COL19A1: variants seen among roughly 807,000 people sequenced by gnomAD.
COL19A1 encodes the protein collagen type XIX alpha 1 chain, also known as collagen alpha-1(XIX) chain.
In COL19A1, 159 loss-of-function variants were observed where a neutral mutation model predicts 190.2. That is an observed-to-expected ratio of 0.84 (90% CI 0.73 to 0.95). The LOEUF (loss-of-function observed/expected upper bound fraction) is 0.95, where lower values mean the gene tolerates loss of function less well. Among genes scored for constraint, COL19A1 ranks in the 40% least tolerant of loss-of-function variants. COL19A1 has a pLI of 0.00. For missense variants in COL19A1, 1,418 were observed against 1,431.9 expected, an observed-to-expected ratio of 0.99 and a Z score of 0.16; for synonymous variants, 509 against 458.9, an observed-to-expected ratio of 1.11 and a Z score of -1.39.
intron 49 of COL19A1, 64 bp downstream of exon 49, chr6:70,199,800 T>A: frequency 6.6e-7 from 1 of 1,509,242 alleles, no homozygotes; most frequent in Non-Finnish European, 8.9e-7. Context: ...AACATGTTAG[T>A]CACAGTTAAG....
chr6:69,866,606 A>C lies in COL19A1; in HGVS notation c.-67A>C, dbSNP rs1767453966. 1 of 152,304 alleles carries C rather than the reference A, an allele frequency of 6.6e-6. No homozygotes were observed. The highest frequency in any genetic ancestry group is 1.5e-5 in the Non-Finnish European group (1 of 68,138). 9.4% of individuals were successfully genotyped at this position (152,304 alleles called of 1,614,324 possible). On this transcript the variant is annotated 5_prime_UTR_variant, in exon 1 of 51. Transcript: ENST00000620364. ...GGTGCCGCAGCCCTGTCCGGACTCC[A>C]CTGCGCCTCTGAGGGGCTCAAATAC... is the stretch of plus-strand genomic sequence containing the variant.
At chr6:70,189,942 A>C (rs966755546) in intron 47 of COL19A1, among the ~76,000 whole-genome samples, 4 of 152,220 alleles carry the variant, frequency 2.6e-5, no homozygotes, top group Non-Finnish European at 5.9e-5. Flanking sequence ...GATTGGTTAA[A>C]AGTTAAATTG....
Position 70,149,743 on chromosome 6 carries a change from A to T in COL19A1, c.1929+4A>T. On this transcript the variant is annotated splice_donor_region_variant and intron_variant, in intron 28 of 50. Coordinates refer to ENST00000620364, the MANE Select transcript of COL19A1 (RefSeq NM_001858.6). ...AGCTGGAGAGCCAGGTATTCAGGTA[A>T]GCTATTTAACTAATTTTTTAGCACA... 6.2e-7 allele frequency: 1 copy of T among 1,613,630 alleles called. No homozygotes were observed. The highest frequency in any genetic ancestry group is 8.5e-7 in the Non-Finnish European group (1 of 1,179,778).
intron 34 of COL19A1, among the ~76,000 whole-genome samples, chr6:70,160,360 C>A (rs922241995): frequency 2.6e-5 from 4 of 152,066 alleles, no homozygotes; most frequent in African/African-American, 9.7e-5. Flanking sequence ...AAACCACCCC[C>A]ATGATCCAAT....
intron 14 of COL19A1, among the ~76,000 whole-genome samples, chr6:70,037,118 A>G (rs563254877): frequency 6.6e-6 from 1 of 152,074 alleles, no homozygotes; most frequent in Non-Finnish European, 1.5e-5. Context: ...GGAGGTTTTA[A>G]GTGCATATTA....
chr6:69,962,903 A>G (rs1198864600), intron 11 of COL19A1, 33 bp downstream of exon 11: 3 of 1,540,414 alleles, frequency 1.9e-6, no homozygotes, highest in Non-Finnish European at 2.7e-6. Context: ...ACATCTGTAA[A>G]AAGAAATTGT....
intron 16 of COL19A1, among the ~76,000 whole-genome samples, chr6:70,107,037 T>C (rs1784021475): frequency 6.6e-6 from 1 of 152,176 alleles, no homozygotes; most frequent in Non-Finnish European, 1.5e-5. Context: ...CTTACAACTA[T>C]CTTGAAAAGT....
At chr6:70,147,033 A>AGGTT in intron 27 of COL19A1, 144 bp downstream of exon 27, 1 of 665,906 alleles carries the variant, frequency 1.5e-6, no homozygotes, top group Non-Finnish European at 2.4e-6. Context: ...ATCAGCATTG[A>AGGTT]GGTTGTATCA....
intron 14 of COL19A1, among the ~76,000 whole-genome samples, chr6:70,048,023 A>G (rs779756316): frequency 1.7e-4 from 26 of 152,106 alleles, no homozygotes; most frequent in Non-Finnish European, 3.2e-4. Context: ...GATGGCACCA[A>G]ATGTTTATGC....
At chr6:70,202,957 T>C (rs1417799832) in intron 49 of COL19A1, among the ~76,000 whole-genome samples, 2 of 152,184 alleles carry the variant, frequency 1.3e-5, no homozygotes, top group African/African-American at 2.4e-5. Context: ...GAGAGAACTT[T>C]CCTTGGTGTC....
intron 31 of COL19A1, among the ~76,000 whole-genome samples, chr6:70,155,393 A>C (rs1249064095): frequency 6.6e-6 from 1 of 152,160 alleles, no homozygotes; most frequent in African/African-American, 2.4e-5. Flanking sequence ...ATTTAAAAAT[A>C]AGCCTATATA....
intron 11 of COL19A1, among the ~76,000 whole-genome samples, chr6:70,004,333 T>C (rs1409343152): frequency 6.6e-6 from 1 of 152,152 alleles, no homozygotes; most frequent in African/African-American, 2.4e-5. Context: ...CCTTGGAGAA[T>C]CTGATAATTA....
intron 14 of COL19A1, among the ~76,000 whole-genome samples, chr6:70,066,660 C>T (rs1271842775): frequency 2.0e-5 from 3 of 151,572 alleles, no homozygotes; most frequent in African/African-American, 4.8e-5. Flanking sequence ...TGAATATATA[C>T]ATAATAAGTA....
chr6:69,991,508 T>C (rs1452793796), intron 11 of COL19A1, among the ~76,000 whole-genome samples: 5 of 152,138 alleles, frequency 3.3e-5, no homozygotes, highest in Non-Finnish European at 4.4e-5. Context: ...TTACCAGCAG[T>C]GTATAAACAT....
intron 2 of COL19A1, 43 bp from the exon 3 acceptor site, chr6:69,898,905 A>C: frequency 8.5e-7 from 1 of 1,176,212 alleles, no homozygotes; most frequent in Non-Finnish European, 1.3e-6. Flanking sequence ...ATTAAAATTC[A>C]TACATAATGC....
chr6:69,936,691 C>A, intron 7 of COL19A1, 94 bp from the exon 8 acceptor site: 1 of 1,496,782 alleles, frequency 6.7e-7, no homozygotes, highest in Non-Finnish European at 9.1e-7. Flanking sequence ...TTGCAGGCAA[C>A]CTCAGCAATC....
In COL19A1 at chr6:70,209,683, C is replaced by T. The variant is rs1033205616; in HGVS notation, c.*2409C>T. ...ACAAAGTGGACTTGTCACAATGACA[C>T]AAACTCATTTTTTGTAACTGGGAAA... On this transcript the variant is annotated 3_prime_UTR_variant, in exon 51 of 51. Coordinates refer to ENST00000620364, the MANE Select transcript of COL19A1 (RefSeq NM_001858.6). 3.3e-5 allele frequency: 5 copies of T among 152,134 alleles called. No individual in the cohort carries two copies. The highest frequency in any genetic ancestry group is 1.2e-4 in the African/African-American group (5 of 41,438). The allele number at this position is 152,134 out of a possible 1,614,324, so 9.4% of individuals were successfully genotyped here.
chr6:69,932,219 A>G (rs1173214730), intron 6 of COL19A1, among the ~76,000 whole-genome samples: 1 of 152,056 alleles, frequency 6.6e-6, no homozygotes, highest in East Asian at 1.9e-4. Flanking sequence ...TTATTTTTGT[A>G]AAAAGGTTGT....
At chr6:70,152,006 A>G (rs765170011) in intron 31 of COL19A1, among the ~76,000 whole-genome samples, 31 of 117,922 alleles carry the variant, frequency 2.6e-4, no homozygotes, top group Non-Finnish European at 4.6e-4. Context: ...TCAGGGAATT[A>G]ATCTTGCTAC....
Sources: allele counts gnomAD v4.1 joint callset (sites outside exome capture counted in the v4.1 genomes callset), GRCh38; gene constraint gnomAD v4.1.1; transcripts MANE v1.5; gene names NCBI Gene and HGNC (gene_info 2026-07-23, HGNC 2026-07-21).